Variants in CAMSAP2 observed in about 807,000 individuals in gnomAD.
CAMSAP2 encodes calmodulin-regulated spectrin-associated protein 2.
Under a neutral mutation model 146.1 loss-of-function variants are expected in CAMSAP2, and 26 were observed. The ratio of observed to expected loss-of-function variants is 0.18; its 90% CI spans 0.13 to 0.25. The LOEUF (loss-of-function observed/expected upper bound fraction) is 0.25. CAMSAP2 is among the 10% of genes least tolerant of loss of function. CAMSAP2 has a pLI of 1.00. For synonymous variants in CAMSAP2, 499 were observed against 596.6 expected, an observed-to-expected ratio of 0.84 and a Z score of 2.38; for missense variants, 1,381 against 1,759.3, an observed-to-expected ratio of 0.78 and a Z score of 3.85.
chr1:200,826,778 T>C (rs1558196700), intron 4 of CAMSAP2, among the ~76,000 whole-genome samples: 1 of 152,222 alleles, frequency 6.6e-6, no homozygotes. Flanking sequence ...ACTGCCTAGG[T>C]TGGCCCCTTT....
intron 6 of CAMSAP2, among the ~76,000 whole-genome samples, chr1:200,841,407 C>T (rs6664990): frequency 0.17 from 26,036 of 152,030 alleles, 2,974 homozygotes; most frequent in East Asian, 0.36. Context: ...CCACCACACC[C>T]GGCTAGTTTT....
At chr1:200,812,653 C>T (rs145780717) in intron 3 of CAMSAP2, among the ~76,000 whole-genome samples, 1 of 152,150 alleles carries the variant, frequency 6.6e-6, no homozygotes, top group East Asian at 1.9e-4. Context: ...AAAAAACCTA[C>T]CAAAGAAAAA....
At chr1:200,763,325 G>T (rs771966212) in intron 2 of CAMSAP2, among the ~76,000 whole-genome samples, 1 of 152,028 alleles carries the variant, frequency 6.6e-6, no homozygotes, top group Non-Finnish European at 1.5e-5. Context: ...GATCACCTGA[G>T]GTCAGGAGTT....
At chr1:200,777,133 G>A (rs1200187312) in intron 2 of CAMSAP2, among the ~76,000 whole-genome samples, 1 of 152,148 alleles carries the variant, frequency 6.6e-6, no homozygotes, top group East Asian at 1.9e-4. Flanking sequence ...CATATGGGAA[G>A]AGGCAAAGAA....
At chr1:200,831,127 C>G (rs187436983) in intron 4 of CAMSAP2, among the ~76,000 whole-genome samples, 1 of 151,980 alleles carries the variant, frequency 6.6e-6, no homozygotes, top group Non-Finnish European at 1.5e-5. Context: ...AGTTTGATAA[C>G]CTTAAAAAAA....
intron 2 of CAMSAP2, among the ~76,000 whole-genome samples, chr1:200,779,420 T>C (rs1263867408): frequency 6.6e-6 from 1 of 151,952 alleles, no homozygotes; most frequent in Non-Finnish European, 1.5e-5. Flanking sequence ...CATGGTAGAG[T>C]GCAGAGATAA....
intron 2 of CAMSAP2, among the ~76,000 whole-genome samples, chr1:200,764,270 A>C (rs1037833789): frequency 6.7e-6 from 1 of 150,334 alleles, no homozygotes; most frequent in Non-Finnish European, 1.5e-5. Flanking sequence ...TTTTGGGGGG[A>C]AAAAAAGTGT....
At chr1:200,829,860 G>A (rs1414357803) in intron 4 of CAMSAP2, among the ~76,000 whole-genome samples, 6 of 152,056 alleles carry the variant, frequency 3.9e-5, no homozygotes, top group African/African-American at 9.7e-5. Context: ...CCAGGAGGTC[G>A]AGGCTGCAGT....
At chr1:200,855,038 T>C (rs1667713156) in intron 14 of CAMSAP2, 149 bp downstream of exon 14, 1 of 539,072 alleles carries the variant, frequency 1.9e-6, no homozygotes. Context: ...GACTTAGGAC[T>C]GTTAGAGTTT....
chr1:200,817,046 G>C (rs1462067953), intron 4 of CAMSAP2, among the ~76,000 whole-genome samples: 1 of 138,676 alleles, frequency 7.2e-6, no homozygotes, highest in Non-Finnish European at 1.6e-5. Flanking sequence ...ACATACACAC[G>C]TGTATGTGTA....
intron 2 of CAMSAP2, among the ~76,000 whole-genome samples, chr1:200,801,054 G>A (rs1486756709): frequency 1.3e-5 from 2 of 152,120 alleles, no homozygotes; most frequent in Middle Eastern, 3.4e-3. Flanking sequence ...TCACAGGGTC[G>A]AGAGATTGAG....
chr1:200,832,631 A>G lies in CAMSAP2; in HGVS notation c.788-75A>G, dbSNP rs534493672. 8.2e-6 allele frequency: 10 copies of G among 1,223,108 alleles called. No individual in the cohort carries two copies. The highest frequency in any genetic ancestry group is 1.1e-5 in the Non-Finnish European group (10 of 886,242). 75.8% of individuals were successfully genotyped at this position (1,223,108 alleles called of 1,614,324 possible). On this transcript the variant is annotated intron_variant, in intron 5 of 16. Coordinates refer to ENST00000358823, the MANE Select transcript of CAMSAP2 (RefSeq NM_203459.4). The surrounding 1 kb of genome is among the most constrained non-coding windows in gnomAD (Gnocchi z 4.2). ...TTAACCAGAATTGTGTATTTGTACTAATTACAAGATGGATATGAAATATTT... is the reference window on the plus strand; with the variant it reads ...TTAACCAGAATTGTGTATTTGTACTGATTACAAGATGGATATGAAATATTT...
intron 4 of CAMSAP2, among the ~76,000 whole-genome samples, chr1:200,816,859 T>TGTATATATGTGTGTACACACACACGCGC (rs1666542357): frequency 2.1e-5 from 1 of 47,570 alleles, no homozygotes; most frequent in Non-Finnish European, 4.8e-5. Flanking sequence ...CACACACGCG[T>TGTATATATGTGTGTACACACACACGCGC]GTGTATGTGT....
chr1:200,855,703 T>G (rs1015613951), intron 14 of CAMSAP2, among the ~76,000 whole-genome samples: 1 of 152,082 alleles, frequency 6.6e-6, no homozygotes, highest in Non-Finnish European at 1.5e-5. Flanking sequence ...TTCAAGTGAT[T>G]CTTCTGCCTC....
At chr1:200,758,496 G>A (rs1664708961) in intron 1 of CAMSAP2, among the ~76,000 whole-genome samples, 1 of 152,112 alleles carries the variant, frequency 6.6e-6, no homozygotes, top group African/African-American at 2.4e-5. Flanking sequence ...ATTTAAAGCT[G>A]GCTCACTACT....
intron 3 of CAMSAP2, among the ~76,000 whole-genome samples, chr1:200,808,034 G>A (rs141287433): frequency 2.2e-4 from 34 of 152,046 alleles, no homozygotes; most frequent in African/African-American, 7.7e-4. Flanking sequence ...GAGCCACCAC[G>A]CCTGGCCAAT....
intron 2 of CAMSAP2, among the ~76,000 whole-genome samples, chr1:200,766,443 T>C (rs1664954765): frequency 6.6e-6 from 1 of 152,162 alleles, no homozygotes; most frequent in Non-Finnish European, 1.5e-5. Flanking sequence ...GCTCTTTTCA[T>C]TTAGTTTACT....
intron 4 of CAMSAP2, among the ~76,000 whole-genome samples, chr1:200,831,919 G>C (rs1667053389): frequency 6.6e-6 from 1 of 152,006 alleles, no homozygotes; most frequent in African/African-American, 2.4e-5. Flanking sequence ...TTCAAAATCT[G>C]TTTTGTGATG....
At position 200,791,314 on chromosome 1, in the gene CAMSAP2, G is replaced by A. The variant is rs77318343; in HGVS notation, c.400-16062G>A. Among the ~76,000 whole-genome samples the A allele has an allele frequency of 2.7e-3, 404 of 150,596 alleles. 3 individuals carry two copies. The highest frequency in any genetic ancestry group is 9.1e-3 in the African/African-American group (373 of 41,068). Reference sequence around the variant, plus strand: ...TTTAAGATTTCTTTCTTTTTTTTTCGGAATTTGGTTATGGTGTGCCTTAAT... The same window carrying A: ...TTTAAGATTTCTTTCTTTTTTTTTCAGAATTTGGTTATGGTGTGCCTTAAT... On this transcript the variant is annotated intron_variant, in intron 2 of 16. Transcript: ENST00000358823.
Sources: allele counts gnomAD v4.1 joint callset (sites outside exome capture counted in the v4.1 genomes callset), GRCh38; gene constraint gnomAD v4.1.1; non-coding constraint Gnocchi (gnomAD v3.1); transcripts MANE v1.5; gene names NCBI Gene and HGNC (gene_info 2026-07-23, HGNC 2026-07-21).